The following CTNNA3 variants were observed in gnomAD, a reference collection of about 807,000 sequenced individuals.
CTNNA3 encodes the protein catenin alpha 3.
In CTNNA3, 76 loss-of-function variants were observed where a neutral mutation model predicts 95.7. The ratio of observed to expected loss-of-function variants is 0.79; its 90% CI spans 0.66 to 0.96. The LOEUF is 0.96. Ranked by LOEUF, CTNNA3 falls within the 40% of genes least tolerant of loss-of-function variation. The pLI is 0.00. For synonymous variants in CTNNA3, 431 were observed against 374.4 expected, an observed-to-expected ratio of 1.15 and a Z score of -1.74; for missense variants, 1,191 against 1,089.8, an observed-to-expected ratio of 1.09 and a Z score of -1.31.
chr10:67,135,786 G>T (rs964137556), intron 7 of CTNNA3, among the ~76,000 whole-genome samples: 1 of 152,110 alleles, frequency 6.6e-6, no homozygotes, highest in Non-Finnish European at 1.5e-5. Context: ...TCTCACACTA[G>T]TCTCAATCTC....
At chr10:66,452,254 T>C (rs962965850) in intron 11 of CTNNA3, among the ~76,000 whole-genome samples, 1 of 152,202 alleles carries the variant, frequency 6.6e-6, no homozygotes, top group African/African-American at 2.4e-5. Context: ...TATTATTTCG[T>C]GTACTGTATT....
chr10:66,103,293 A>C (rs368438066), intron 13 of CTNNA3, 44 bp from the exon 14 acceptor site: 56 of 1,509,028 alleles, frequency 3.7e-5, no homozygotes, highest in Non-Finnish European at 4.3e-5. Context: ...ATGTAAAAGC[A>C]TTTCTTCTTT....
intron 7 of CTNNA3, among the ~76,000 whole-genome samples, chr10:66,969,326 T>A (rs1849598785): frequency 6.6e-6 from 1 of 152,154 alleles, no homozygotes; most frequent in Admixed American, 6.5e-5. Flanking sequence ...CATTTCCATG[T>A]CATTAAAACT....
intron 7 of CTNNA3, among the ~76,000 whole-genome samples, chr10:67,125,929 T>C (rs940818137): frequency 6.6e-6 from 1 of 152,194 alleles, no homozygotes; most frequent in Non-Finnish European, 1.5e-5. Flanking sequence ...ACATAGTATA[T>C]TGATCCCCAA....
chr10:66,650,920 C>T (rs1845873813), intron 9 of CTNNA3, among the ~76,000 whole-genome samples: 1 of 152,124 alleles, frequency 6.6e-6, no homozygotes, highest in Admixed American at 6.5e-5. Context: ...GGAAGGAAAC[C>T]CCAACACGTT....
At chr10:66,336,128 T>C (rs970405301) in intron 12 of CTNNA3, among the ~76,000 whole-genome samples, 1 of 152,074 alleles carries the variant, frequency 6.6e-6, no homozygotes, top group African/African-American at 2.4e-5. Context: ...GTGCCGTCTG[T>C]CACCCCTTTC....
chr10:67,384,716 C>T (rs1266530031), intron 5 of CTNNA3, among the ~76,000 whole-genome samples: 4 of 152,028 alleles, frequency 2.6e-5, no homozygotes, highest in Non-Finnish European at 5.9e-5. Context: ...ACAGGAAGCT[C>T]GTATGACTCA....
chr10:66,989,041 C>T (rs182991863), intron 7 of CTNNA3, among the ~76,000 whole-genome samples: 84 of 152,004 alleles, frequency 5.5e-4, no homozygotes, highest in African/African-American at 1.8e-3. Context: ...TTATCAGTCT[C>T]GTTACCTCTC....
chr10:67,116,284 G>A (rs1564901717), intron 7 of CTNNA3, among the ~76,000 whole-genome samples: 1 of 152,058 alleles, frequency 6.6e-6, no homozygotes, highest in East Asian at 1.9e-4. Context: ...GACTTATTCA[G>A]ATGATAGAAT....
intron 7 of CTNNA3, among the ~76,000 whole-genome samples, chr10:66,977,014 A>G (rs1199093990): frequency 2.6e-5 from 4 of 152,208 alleles, no homozygotes; most frequent in African/African-American, 9.7e-5. Context: ...ATATCTACAA[A>G]TGCTTCCAGG....
intron 13 of CTNNA3, among the ~76,000 whole-genome samples, chr10:66,136,068 A>AT (rs2083329421): frequency 6.6e-6 from 1 of 151,804 alleles, no homozygotes; most frequent in African/African-American, 2.4e-5. Flanking sequence ...CGCCTGGCTA[A>AT]TTTTTTGTAT....
intron 9 of CTNNA3, among the ~76,000 whole-genome samples, chr10:66,746,860 AGTGTGT>A (rs57102717): frequency 0.56 from 84,607 of 150,450 alleles, 23,844 homozygotes; most frequent in East Asian, 0.72. Flanking sequence ...AAATGGATGC[AGTGTGT>A]GTGTGTGTGT....
At chr10:67,134,288 T>G (rs940991786) in intron 7 of CTNNA3, among the ~76,000 whole-genome samples, 4 of 152,076 alleles carry the variant, frequency 2.6e-5, no homozygotes, top group Non-Finnish European at 5.9e-5. Flanking sequence ...GAACAATCTA[T>G]TAGTTAATTC....
At chr10:67,100,352 C>T (rs1858269159) in intron 7 of CTNNA3, among the ~76,000 whole-genome samples, 1 of 151,540 alleles carries the variant, frequency 6.6e-6, no homozygotes, top group African/African-American at 2.4e-5. Context: ...CCAAAAGGGT[C>T]TTTAGCAAGA....
chr10:65,928,078 C>T (rs1224977311), intron 17 of CTNNA3, among the ~76,000 whole-genome samples: 5 of 152,096 alleles, frequency 3.3e-5, no homozygotes, highest in Non-Finnish European at 1.5e-5. Flanking sequence ...CAAAAAATGG[C>T]TACTACAATG....
rs543272519 is a variant in CTNNA3, at chr10:67,379,194, T to C, written c.579+142648A>G. 2.0e-5 allele frequency among the ~76,000 whole-genome samples: 3 copies of C among 152,344 alleles called. No individual in the cohort carries two copies. The South Asian group carries it at 6.2e-4, about 32-fold the overall frequency. Reference sequence around the variant, plus strand: ...AAGTTGCCATGAGCATAATTCTGTCTTTTATTTTTTAATACTCATCCAAAG... The same window carrying C: ...AAGTTGCCATGAGCATAATTCTGTCCTTTATTTTTTAATACTCATCCAAAG... On this transcript the variant is annotated intron_variant, in intron 5 of 17. Coordinates refer to ENST00000433211, the MANE Select transcript of CTNNA3 (RefSeq NM_013266.4).
chr10:67,751,693 C>T (rs111712454), intron 1 of CTNNA3, among the ~76,000 whole-genome samples: 18,973 of 152,006 alleles, frequency 0.12, 1,764 homozygotes, highest in African/African-American at 0.27. Flanking sequence ...AACACCTCTA[C>T]GCAAATAAAC....
At chr10:65,967,103 T>A (rs2077986499) in intron 16 of CTNNA3, among the ~76,000 whole-genome samples, 1 of 151,820 alleles carries the variant, frequency 6.6e-6, no homozygotes, top group South Asian at 2.1e-4. Flanking sequence ...ACTACAGGCA[T>A]GCGCCACCAC....
At chr10:66,776,402 G>A (rs1477639777) in intron 7 of CTNNA3, among the ~76,000 whole-genome samples, 1 of 152,136 alleles carries the variant, frequency 6.6e-6, no homozygotes, top group Non-Finnish European at 1.5e-5. Flanking sequence ...ACTGAAGGGG[G>A]TTACAGCACG....
Sources: gnomAD v4.1 joint callset for allele counts (sites outside exome capture counted in the v4.1 genomes callset) on GRCh38, gnomAD v4.1.1 for gene constraint, MANE v1.5 for transcripts, NCBI Gene and HGNC (gene_info 2026-07-23, HGNC 2026-07-21) for gene names.